VPS13B: variants seen among roughly 807,000 people sequenced by gnomAD.
VPS13B encodes vacuolar protein sorting 13 homolog B, also known as intermembrane lipid transfer protein VPS13B.
VPS13B carries 285 observed loss-of-function variants against 426.4 expected under a neutral mutation model. The ratio of observed to expected loss-of-function variants is 0.67; its 90% CI spans 0.61 to 0.74. VPS13B has a LOEUF of 0.74. Ranked by LOEUF, VPS13B falls within the 30% of genes least tolerant of loss-of-function variation. The pLI, the probability that VPS13B is intolerant of heterozygous loss-of-function variation, is 0.00. For synonymous variants in VPS13B, 1,676 were observed against 1,676.4 expected (o/e 1.00, Z 0.01); for missense variants, 4,537 against 4,782.6 (o/e 0.95, Z 1.51).
intron 2 of VPS13B, among the ~76,000 whole-genome samples, chr8:99,021,879 T>C (rs1012143717): frequency 1.3e-5 from 2 of 152,078 alleles, no homozygotes; most frequent in Non-Finnish European, 2.9e-5. Flanking sequence ...TCCCAAAGTG[T>C]TGGGATTACA....
intron 31 of VPS13B, among the ~76,000 whole-genome samples, chr8:99,566,068 G>A (rs892183905): frequency 3.3e-5 from 5 of 152,166 alleles, no homozygotes; most frequent in Non-Finnish European, 7.3e-5. Flanking sequence ...TACAACAGGA[G>A]GCAGCAGTTG....
At chr8:99,049,088 G>A (rs1463806757) in intron 3 of VPS13B, among the ~76,000 whole-genome samples, 2 of 152,086 alleles carry the variant, frequency 1.3e-5, no homozygotes, top group Non-Finnish European at 2.9e-5. Flanking sequence ...GGCAGCTGAT[G>A]GTTGGTGAAT....
At chr8:99,401,269 CAAAT>C (rs1241019271) in intron 21 of VPS13B, among the ~76,000 whole-genome samples, 13 of 151,966 alleles carry the variant, frequency 8.6e-5, no homozygotes, top group Non-Finnish European at 8.8e-5. Context: ...CTTTTTTATT[CAAAT>C]AAATTAGTTT....
intron 35 of VPS13B, among the ~76,000 whole-genome samples, chr8:99,698,247 G>GTGCAGCTGC (rs1354983402): frequency 6.6e-6 from 1 of 152,208 alleles, no homozygotes; most frequent in Non-Finnish European, 1.5e-5. Context: ...CTGTGGTGTG[G>GTGCAGCTGC]TGCAGCTGCT....
At chr8:99,505,674 A>T (rs1821461631) in intron 27 of VPS13B, among the ~76,000 whole-genome samples, 2 of 152,212 alleles carry the variant, frequency 1.3e-5, no homozygotes, top group Non-Finnish European at 1.5e-5. Flanking sequence ...AAAGTTTGAA[A>T]TATTATAAGA....
At chr8:99,102,880 C>T (rs1446501643) in intron 4 of VPS13B, 73 bp from the exon 5 acceptor site, 3 of 1,378,596 alleles carry the variant, frequency 2.2e-6, no homozygotes, top group South Asian at 1.2e-5. Flanking sequence ...ACATTAAGTT[C>T]AATAACACTT....
At chr8:99,610,375 C>G (rs904329192) in intron 33 of VPS13B, among the ~76,000 whole-genome samples, 1 of 152,060 alleles carries the variant, frequency 6.6e-6, no homozygotes, top group Non-Finnish European at 1.5e-5. Flanking sequence ...ATAAAGAAAA[C>G]GTGGCACATG....
At chr8:99,229,447 C>G (rs1176786254) in intron 17 of VPS13B, among the ~76,000 whole-genome samples, 4 of 152,042 alleles carry the variant, frequency 2.6e-5, no homozygotes, top group African/African-American at 9.7e-5. Flanking sequence ...TGGGGGTGGA[C>G]TTTGGGATGA....
chr8:99,195,197 T>C (rs1813846894), intron 17 of VPS13B, among the ~76,000 whole-genome samples: 1 of 152,228 alleles, frequency 6.6e-6, no homozygotes, highest in Admixed American at 6.5e-5. Context: ...AACACTTATC[T>C]TTCATCATTT....
At chr8:99,323,058 T>C (rs1307579690) in intron 19 of VPS13B, among the ~76,000 whole-genome samples, 1 of 152,212 alleles carries the variant, frequency 6.6e-6, no homozygotes. Flanking sequence ...GACTGAGATC[T>C]TCAGCCTAGA....
chr8:99,640,025 T>TAAGAAGAAGAAGAAG (rs1200705406), intron 33 of VPS13B, among the ~76,000 whole-genome samples: 3 of 104,330 alleles, frequency 2.9e-5, no homozygotes, highest in Non-Finnish European at 3.9e-5. Context: ...ATAATAATAA[T>TAAGAAGAAGAAGAAG]AAGAAGAAGA....
intron 30 of VPS13B, among the ~76,000 whole-genome samples, chr8:99,533,151 C>T (rs1823020605): frequency 1.3e-5 from 2 of 152,016 alleles, no homozygotes; most frequent in African/African-American, 4.8e-5. Context: ...GTTGGCCAAG[C>T]TGGCCTCAAA....
At chr8:99,339,117 ATATT>A (rs1811090195) in intron 19 of VPS13B, among the ~76,000 whole-genome samples, 1 of 152,192 alleles carries the variant, frequency 6.6e-6, no homozygotes, top group Non-Finnish European at 1.5e-5. Flanking sequence ...CATTTTAAAA[ATATT>A]TAAGTTTCAT....
chr8:99,498,861 A>G (rs1294298418), intron 25 of VPS13B, among the ~76,000 whole-genome samples: 2 of 152,184 alleles, frequency 1.3e-5, no homozygotes, highest in African/African-American at 4.8e-5. Context: ...TTGAGACCAC[A>G]GCAGGCCACT....
chr8:99,872,242 C>A (rs1010150739), intron 61 of VPS13B, among the ~76,000 whole-genome samples: 1 of 152,174 alleles, frequency 6.6e-6, no homozygotes. Context: ...TGAAACAAGA[C>A]TCTCCACTCC....
chr8:99,145,280 A>T (rs1261577283), intron 13 of VPS13B, among the ~76,000 whole-genome samples: 1 of 152,182 alleles, frequency 6.6e-6, no homozygotes, highest in Non-Finnish European at 1.5e-5. Context: ...CATTTTAAAA[A>T]ATTTAGATTT....
At chr8:99,526,761 C>A (rs957511676) in intron 30 of VPS13B, among the ~76,000 whole-genome samples, 2 of 152,126 alleles carry the variant, frequency 1.3e-5, no homozygotes, top group Non-Finnish European at 2.9e-5. Flanking sequence ...CAGCCACATA[C>A]AAGGCTTAAG....
chr8:99,087,008 G>T (rs528871624), intron 3 of VPS13B, among the ~76,000 whole-genome samples: 16 of 152,314 alleles, frequency 1.1e-4, no homozygotes, highest in Non-Finnish European at 1.6e-4. Flanking sequence ...ATTTAAGTCT[G>T]CAGAGGATTC....
intron 21 of VPS13B, among the ~76,000 whole-genome samples, chr8:99,399,764 T>C (rs1431442114): frequency 1.3e-5 from 2 of 152,238 alleles, no homozygotes; most frequent in Non-Finnish European, 2.9e-5. Context: ...TTATTTAGTA[T>C]GTCTCCATGT....
Sources: gnomAD v4.1 joint callset for allele counts (sites outside exome capture counted in the v4.1 genomes callset) on GRCh38, gnomAD v4.1.1 for gene constraint, MANE v1.5 for transcripts, NCBI Gene and HGNC (gene_info 2026-07-23, HGNC 2026-07-21) for gene names.